CACNA1S: variants seen among roughly 807,000 people sequenced by gnomAD.
CACNA1S encodes voltage-dependent L-type calcium channel subunit alpha-1S.
In CACNA1S, 126 loss-of-function variants were observed where a neutral mutation model predicts 207.4. The ratio of observed to expected loss-of-function variants is 0.61; its 90% CI spans 0.53 to 0.70. The LOEUF is 0.70. CACNA1S is among the 30% of genes least tolerant of loss of function. The pLI is 0.00. For missense variants in CACNA1S, 2,349 were observed against 2,422.8 expected (o/e 0.97, Z 0.64); for synonymous variants, 960 against 932.7 (o/e 1.03, Z -0.53).
At chr1:201,052,377 T>C (rs1433746081) in intron 32 of CACNA1S, among the ~76,000 whole-genome samples, 180 bp downstream of exon 32, 1 of 152,116 alleles carries the variant, frequency 6.6e-6, no homozygotes, top group African/African-American at 2.4e-5. Context: ...ATGATGAATA[T>C]CTTCAAGGCA....
At chr1:201,090,909 T>A (rs1199750283) in intron 5 of CACNA1S, among the ~76,000 whole-genome samples, 1 of 152,214 alleles carries the variant, frequency 6.6e-6, no homozygotes, top group Non-Finnish European at 1.5e-5. Flanking sequence ...TTTGGAAAAA[T>A]CTAGTTATTT....
chr1:201,050,582 G>C, intron 33 of CACNA1S, 66 bp from the exon 34 acceptor site: 1 of 1,598,206 alleles, frequency 6.3e-7, no homozygotes, highest in Non-Finnish European at 8.6e-7. Context: ...GGGTGGGGGA[G>C]CTGGGAGGTG....
chr1:201,074,404 A>T, intron 14 of CACNA1S, 102 bp downstream of exon 14: 2 of 761,234 alleles, frequency 2.6e-6, no homozygotes, highest in Non-Finnish European at 4.7e-6. Flanking sequence ...TCACCATGTC[A>T]GGGACCCTGA....
In CACNA1S at chr1:201,047,192, C is replaced by T. The variant is rs765917408; in HGVS notation, c.4591G>A (p.Glu1531Lys). 1 of 1,614,160 alleles carries T rather than the reference C, an allele frequency of 6.2e-7. No homozygotes were observed. The highest frequency in any genetic ancestry group is 1.1e-5 in the South Asian group (1 of 91,078). The change falls in exon 38 of 44, where the codon GAG becomes AAG. Residue 1531 changes from glutamate to lysine, a missense_variant. Physicochemically the swap from Glu to Lys is moderately conservative, Grantham distance 56 (BLOSUM62 1). Transcript: ENST00000362061. Reference protein sequence around the residue: ...GKFYATFLIQEHFRKFMKRQE... With the variant: ...GKFYATFLIQKHFRKFMKRQE... ...CGTTTCATGAACTTCCGGAAGTGCTCCTGGATGAGGAATGTGGCGTAGAAC... is the reference window on the plus strand; with the variant it reads ...CGTTTCATGAACTTCCGGAAGTGCTTCTGGATGAGGAATGTGGCGTAGAAC...
At chr1:201,098,798 G>T (rs916399235) in intron 2 of CACNA1S, among the ~76,000 whole-genome samples, 1 of 152,124 alleles carries the variant, frequency 6.6e-6, no homozygotes, top group African/African-American at 2.4e-5. Flanking sequence ...GTCCAACTTC[G>T]TGAGGTGAGA....
intron 19 of CACNA1S, 125 bp from the exon 20 acceptor site, chr1:201,067,118 C>T (rs939879806): frequency 2.8e-6 from 2 of 721,006 alleles, no homozygotes; most frequent in Middle Eastern, 2.3e-4. Context: ...CCAGAAATCT[C>T]TATATTTCAC....
In CACNA1S at chr1:201,066,770, C is replaced by T. The variant is rs150180970; in HGVS notation, c.2657+117G>A. 4,010 of 791,296 alleles carry T rather than the reference C, an allele frequency of 5.1e-3. 161 individuals carry two copies. In the Admixed American group the frequency reaches 0.067, roughly 13 times the overall value. The allele number at this position is 791,296 out of a possible 1,614,324, so 49.0% of individuals were successfully genotyped here. The stretch of plus-strand genomic sequence containing the variant: ...GACCCCCTGCCTCCATCGGAGGCCC[C>T]GAGAGACCCTCCTCTTGTGGCAGGG... On this transcript the variant is annotated intron_variant, in intron 20 of 43. Transcript: ENST00000362061. This position sits in a 1 kb window ranked among gnomAD's most constrained non-coding sequence, Gnocchi z 4.3.
chr1:201,062,537 AG>A, intron 22 of CACNA1S, 23 bp from the exon 23 acceptor site: 4 of 705,122 alleles, frequency 5.7e-6, no homozygotes, highest in Non-Finnish European at 1.0e-5. Flanking sequence ...AGAGGGAGGG[AG>A]GGAGGGAGGC....
At chr1:201,055,198 G>A (rs1403611549) in intron 28 of CACNA1S, among the ~76,000 whole-genome samples, 1 of 152,196 alleles carries the variant, frequency 6.6e-6, no homozygotes, top group South Asian at 2.1e-4. Flanking sequence ...CCCTTGTTCT[G>A]CAGCCCTGGG....
At chr1:201,047,425 A>T in intron 37 of CACNA1S, 100 bp downstream of exon 37, 1 of 1,260,568 alleles carries the variant, frequency 7.9e-7, no homozygotes. Flanking sequence ...TTTATGGAGG[A>T]TCTGGTCCGT....
chr1:201,054,507 C>G lies in CACNA1S; in HGVS notation c.3664G>C (p.Val1222Leu). ...LYCLGGGCGN[V>L]DPDESARISS... is the part of the protein sequence containing the mutation. ...AGGCTCGTGCAGCCTGAAATTACAA[C>G]GTTCCCGCAGCCTCCACCCAGGCAA... The change falls in exon 29 of 44, where the codon GTT becomes CTT. Residue 1222 changes from valine to leucine, a missense_variant and splice_region_variant. Transcript: ENST00000362061. The G allele has an allele frequency of 6.2e-7, 1 of 1,613,738 alleles. No homozygotes were observed.
chr1:201,069,070 G>C, intron 19 of CACNA1S, 67 bp downstream of exon 19: 2 of 1,360,506 alleles, frequency 1.5e-6, no homozygotes, highest in Non-Finnish European at 1.1e-6. Flanking sequence ...CCTGAGTTCA[G>C]TGTGTGTAAA....
intron 19 of CACNA1S, among the ~76,000 whole-genome samples, chr1:201,068,883 A>G (rs189091862): frequency 3.0e-4 from 46 of 152,290 alleles, no homozygotes; most frequent in South Asian, 1.2e-3. Flanking sequence ...AAGAAAAAAT[A>G]AAAAGAAAAA....
chr1:201,086,102 C>A (rs1662031063), intron 7 of CACNA1S, among the ~76,000 whole-genome samples: 2 of 152,208 alleles, frequency 1.3e-5, no homozygotes, highest in Non-Finnish European at 2.9e-5. Context: ...GAGGGCAGCC[C>A]TGGGCTATGA....
At chr1:201,076,805 A>C in intron 12 of CACNA1S, 115 bp downstream of exon 12, 1 of 959,298 alleles carries the variant, frequency 1.0e-6, no homozygotes, top group Non-Finnish European at 1.7e-6. Flanking sequence ...ATTGCACTCA[A>C]CCAGCAGATC....
At position 201,040,674 on chromosome 1, in the gene CACNA1S, A is replaced by G; in HGVS notation, c.5174T>C (p.Leu1725Pro). Residue 1725 changes from leucine to proline, a missense_variant, in exon 42 of 44, where the codon CTG becomes CCG. By Grantham distance (98) the Leu-to-Pro change is moderately conservative. Transcript: ENST00000362061. ...SKPCVEMLKG[L>P]LTQRAMPRGQ... ...TCTGGGCATTGCCCTCTGGGTCAGC[A>G]GTCCCTTCAGCATCTCCACACAGGG... The G allele has an allele frequency of 6.2e-7, 1 of 1,614,128 alleles. No individual in the cohort carries two copies. Among genetic ancestry groups the G allele is most frequent in the Non-Finnish European group, 8.5e-7 (1 of 1,180,014 alleles).
At position 201,061,303 on chromosome 1, in the gene CACNA1S, C is replaced by T. The variant is rs925569197; in HGVS notation, c.3219G>A (p.Glu1073=). ...CCAGCTCACAGTTCTTGTACTCAGT[C>T]TCTCCCTGCTCCTGGAAGGTGACAA... The part of the protein sequence containing the change: ...FVIVTFQEQG[E]TEYKNCELDK... Residue 1073 remains glutamate (E), a synonymous_variant, in exon 25 of 44, where the codon GAG becomes GAA. Transcript: ENST00000362061. 6.2e-7 allele frequency: 1 copy of T among 1,614,062 alleles called. No homozygotes were observed. The highest frequency in any genetic ancestry group is 1.3e-5 in the African/African-American group (1 of 74,912).
At chr1:201,046,480 C>T (rs1660473112) in intron 38 of CACNA1S, among the ~76,000 whole-genome samples, 1 of 151,832 alleles carries the variant, frequency 6.6e-6, no homozygotes, top group Non-Finnish European at 1.5e-5. Flanking sequence ...CGCACCTGGA[C>T]CCATACCCAG....
Position 201,075,582 on chromosome 1 carries a change from A to C in CACNA1S, c.1861T>G (p.Tyr621Asp). Reference sequence around the variant, plus strand: ...CCGCCGTAGGCCATGATCCCATTGTACATCATTGAGGTCCAGTCTTCCCCT... The same window carrying C: ...CCGCCGTAGGCCATGATCCCATTGTCCATCATTGAGGTCCAGTCTTCCCCT... ...LTGEDWTSMMYNGIMAYGGPS... is the reference protein window; with the variant it reads ...LTGEDWTSMMDNGIMAYGGPS... Residue 621 changes from tyrosine to aspartate, a missense_variant, in exon 13 of 44, where the codon TAC becomes GAC. Physicochemically the swap from Tyr to Asp is radical, Grantham distance 160. Transcript: ENST00000362061. 1 of 1,614,076 alleles carries C rather than the reference A, an allele frequency of 6.2e-7. No homozygotes were observed. Among genetic ancestry groups the C allele is most frequent in the Non-Finnish European group, 8.5e-7 (1 of 1,179,978 alleles).
Sources: gnomAD v4.1 joint callset for allele counts (sites outside exome capture counted in the v4.1 genomes callset) on GRCh38, gnomAD v4.1.1 for gene constraint, Gnocchi (gnomAD v3.1) non-coding constraint, MANE v1.5 for transcripts, NCBI Gene and HGNC (gene_info 2026-07-23, HGNC 2026-07-21) for gene names.